Variants in ESR1 observed in about 807,000 individuals in gnomAD.
ESR1 encodes estrogen receptor 1.
Under a neutral mutation model 52.7 loss-of-function variants are expected in ESR1, and 12 were observed. That is an observed-to-expected ratio of 0.23 (90% CI 0.15 to 0.37). The LOEUF is 0.37. Ranked by LOEUF, ESR1 falls within the 10% of genes least tolerant of loss-of-function variation. ESR1 has a pLI of 1.00. For missense variants in ESR1, 584 were observed against 779.7 expected, an observed-to-expected ratio of 0.75 and a Z score of 2.99; for synonymous variants, 305 against 316.8, an observed-to-expected ratio of 0.96 and a Z score of 0.39.
intron 3 of ESR1, among the ~76,000 whole-genome samples, chr6:151,923,638 A>G (rs780927371): frequency 1.8e-4 from 27 of 152,152 alleles, no homozygotes; most frequent in Non-Finnish European, 3.7e-4. Context: ...AGTTTCATCT[A>G]TATATTTTCA....
intron 4 of ESR1, among the ~76,000 whole-genome samples, chr6:151,994,648 A>G (rs558429296): frequency 6.6e-6 from 1 of 152,270 alleles, no homozygotes; most frequent in Non-Finnish European, 1.5e-5. Context: ...GAGTCTCTTC[A>G]TCAAAAGTGA....
At chr6:151,918,212 G>A (rs1365922898) in intron 3 of ESR1, among the ~76,000 whole-genome samples, 1 of 152,216 alleles carries the variant, frequency 6.6e-6, no homozygotes, top group Non-Finnish European at 1.5e-5. Flanking sequence ...GTTTGCCACA[G>A]CAGGTAGGAA....
intron 6 of ESR1, among the ~76,000 whole-genome samples, chr6:152,074,411 T>C (rs2048571626): frequency 6.6e-6 from 1 of 152,230 alleles, no homozygotes; most frequent in Admixed American, 6.5e-5. Context: ...TGTCTTTTTA[T>C]GGCTTGATAG....
At chr6:151,741,386 G>C (rs1463141291) in intron 2 of ESR1, among the ~76,000 whole-genome samples, 1 of 152,048 alleles carries the variant, frequency 6.6e-6, no homozygotes, top group African/African-American at 2.4e-5. Flanking sequence ...CTCTACCGAG[G>C]AGCGCATACG....
chr6:152,091,083 G>A (rs1585208984), intron 6 of ESR1, among the ~76,000 whole-genome samples: 1 of 152,206 alleles, frequency 6.6e-6, no homozygotes, highest in African/African-American at 2.4e-5. Context: ...TGGGCACAGT[G>A]GTGTGGCCAT....
chr6:151,700,171 G>C (rs1779664423), intron 1 of ESR1, among the ~76,000 whole-genome samples: 1 of 151,960 alleles, frequency 6.6e-6, no homozygotes, highest in African/African-American at 2.4e-5. Context: ...GTCTAATTCT[G>C]AGTACTTCCA....
upstream of ESR1, among the ~76,000 whole-genome samples, chr6:151,687,190 T>C (rs1308568580): frequency 6.6e-6 from 1 of 152,192 alleles, no homozygotes; most frequent in Non-Finnish European, 1.5e-5. Flanking sequence ...TGGTTGGGTG[T>C]CTCACCATGG....
intron 1 of ESR1, among the ~76,000 whole-genome samples, chr6:151,826,484 T>C (rs561249355): frequency 5.9e-5 from 9 of 152,324 alleles, no homozygotes; most frequent in African/African-American, 1.9e-4. Flanking sequence ...TTCTGAAAAG[T>C]AAAAGGGCAG....
chr6:152,090,245 C>T (rs904609196), intron 6 of ESR1, among the ~76,000 whole-genome samples: 6 of 152,216 alleles, frequency 3.9e-5, no homozygotes, highest in Admixed American at 1.3e-4. Flanking sequence ...ATGCTGAAAT[C>T]TCCTCCTTCT....
At chr6:152,091,661 GTCTTTGAC>G (rs957660303) in intron 6 of ESR1, among the ~76,000 whole-genome samples, 1 of 152,120 alleles carries the variant, frequency 6.6e-6, no homozygotes, top group African/African-American at 2.4e-5. Context: ...CGAGTGCCAT[GTCTTTGAC>G]CTCCATTGGC....
chr6:151,845,919 A>G (rs149460870), intron 2 of ESR1, among the ~76,000 whole-genome samples: 1 of 152,322 alleles, frequency 6.6e-6, no homozygotes, highest in East Asian at 1.9e-4. Flanking sequence ...GCAATGATAG[A>G]AAAACCTGGT....
chr6:152,103,516 T>C (rs1233673956), downstream of ESR1, among the ~76,000 whole-genome samples: 1 of 152,200 alleles, frequency 6.6e-6, no homozygotes, highest in African/African-American at 2.4e-5. Context: ...TCATTGGCAG[T>C]TGATTTTTCA....
chr6:152,031,908 C>T (rs1036551052), intron 5 of ESR1, among the ~76,000 whole-genome samples: 13 of 152,200 alleles, frequency 8.5e-5, no homozygotes, highest in Non-Finnish European at 1.2e-4. Flanking sequence ...ACTGGCAAAC[C>T]GAATCCAGCA....
chr6:151,735,669 A>C (rs545915221), intron 2 of ESR1, among the ~76,000 whole-genome samples: 10 of 152,202 alleles, frequency 6.6e-5, no homozygotes, highest in African/African-American at 2.2e-4. Flanking sequence ...CCATCACTCG[A>C]GTAGTGTACT....
At chr6:151,899,582 C>T (rs1301758123) in intron 3 of ESR1, among the ~76,000 whole-genome samples, 8 of 150,984 alleles carry the variant, frequency 5.3e-5, no homozygotes, top group South Asian at 2.1e-4. Context: ...GAGCTGACCC[C>T]CCCACCTCCC....
intron 3 of ESR1, among the ~76,000 whole-genome samples, chr6:151,940,866 C>T (rs2034971760): frequency 2.0e-5 from 3 of 152,258 alleles, no homozygotes; most frequent in East Asian, 1.9e-4. Flanking sequence ...AAGTATTGAA[C>T]GGATTTTTAC....
chr6:151,888,172 AT>A lies in ESR1; in HGVS notation c.760+7406del, dbSNP rs150263343. 7.9e-3 allele frequency among the ~76,000 whole-genome samples: 1,206 copies of A among 152,186 alleles called. 23 individuals carry two copies. The highest frequency in any genetic ancestry group is 0.028 in the African/African-American group (1,166 of 41,508). On this transcript the variant is annotated intron_variant, in intron 3 of 7. Coordinates refer to ENST00000206249, the MANE Select transcript of ESR1 (RefSeq NM_000125.4). ...AGGGTTTTTTTGTGGTTCCATACAAATTTTTGGATTGTTTTTCCACTTTTGT... is the reference window on the plus strand; with the variant it reads ...AGGGTTTTTTTGTGGTTCCATACAAATTTTGGATTGTTTTTCCACTTTTGT...
chr6:152,098,814 G>A lies in ESR1; in HGVS notation c.1636G>A (p.Ala546Thr), dbSNP rs1585254720. The part of the protein sequence containing the change: ...LYDLLLEMLD[A>T]HRLHAPTSRG... The stretch of plus-strand genomic sequence containing the variant: ...TGACCTGCTGCTGGAGATGCTGGAC[G>A]CCCACCGCCTACATGCGCCCACTAG... Residue 546 changes from alanine to threonine, a missense_variant, in exon 8 of 8, where the codon GCC becomes ACC. Around this residue, in one of 6 missense-constraint regions of ESR1, gnomAD observed 141 missense variants for 289.3 expected, o/e 0.49. Transcript: ENST00000206249. The surrounding 1 kb of genome is among the most constrained non-coding windows in gnomAD (Gnocchi z 5.1). 2 of 1,614,166 alleles carry A rather than the reference G, an allele frequency of 1.2e-6. No homozygotes were observed. Among genetic ancestry groups the A allele is most frequent in the East Asian group, 4.5e-5 (2 of 44,870 alleles).
At chr6:151,845,934 A>C (rs1395088095) in intron 2 of ESR1, among the ~76,000 whole-genome samples, 1 of 152,180 alleles carries the variant, frequency 6.6e-6, no homozygotes, top group Non-Finnish European at 1.5e-5. Flanking sequence ...CCTGGTCCCT[A>C]CCCTCACAGA....
Sources: gnomAD v4.1 joint callset for allele counts (sites outside exome capture counted in the v4.1 genomes callset) on GRCh38, gnomAD v4.1.1 for gene constraint, gnomAD v4.1.1 regional missense constraint, Gnocchi (gnomAD v3.1) non-coding constraint, MANE v1.5 for transcripts, NCBI Gene and HGNC (gene_info 2026-07-23, HGNC 2026-07-21) for gene names.